SCAF8: variants seen among roughly 807,000 people sequenced by gnomAD.
SCAF8 encodes SR-related and CTD-associated factor 8.
A neutral mutation model predicts 140.5 loss-of-function variants in SCAF8; 23 were observed. The observed-to-expected ratio is 0.16, with a 90% CI of 0.12 to 0.23. The LOEUF is 0.23. Ranked by LOEUF, SCAF8 falls within the 10% of genes least tolerant of loss-of-function variation. The probability of loss-of-function intolerance (pLI) is 1.00; values close to 1 mark genes in which losing one functional copy is unlikely to be tolerated. For synonymous variants in SCAF8, 575 were observed against 528.9 expected (o/e 1.09, Z -1.20); for missense variants, 1,397 against 1,555.7 (o/e 0.90, Z 1.72).
chr6:154,755,702 A>G (rs1372663647), intron 1 of SCAF8, among the ~76,000 whole-genome samples: 1 of 152,230 alleles, frequency 6.6e-6, no homozygotes, highest in Non-Finnish European at 1.5e-5. Flanking sequence ...AAATAGGAAT[A>G]TGCTTATTAT....
intron 18 of SCAF8, among the ~76,000 whole-genome samples, chr6:154,830,406 C>G (rs1401400737): frequency 6.6e-6 from 1 of 151,798 alleles, no homozygotes; most frequent in African/African-American, 2.4e-5. Flanking sequence ...ATATTTATAC[C>G]CATTCTTTAA....
At chr6:154,739,113 GTAAC>G (rs879334751) in intron 1 of SCAF8, among the ~76,000 whole-genome samples, 2 of 152,096 alleles carry the variant, frequency 1.3e-5, no homozygotes, top group Non-Finnish European at 2.9e-5. Flanking sequence ...AGCCTCCTGA[GTAAC>G]TAGGAATACA....
intron 3 of SCAF8, 121 bp from the exon 4 acceptor site, chr6:154,787,740 A>T: frequency 1.4e-6 from 1 of 737,922 alleles, no homozygotes; most frequent in Non-Finnish European, 2.2e-6. Context: ...CAATGTATGA[A>T]TATTCATTAC....
chr6:154,813,765 A>G (rs1455755231), intron 12 of SCAF8, among the ~76,000 whole-genome samples: 3 of 152,332 alleles, frequency 2.0e-5, no homozygotes, highest in East Asian at 3.9e-4. Flanking sequence ...ACACGGGTAC[A>G]TAAGAGGGAA....
intron 1 of SCAF8, among the ~76,000 whole-genome samples, chr6:154,748,287 TA>T: frequency 6.6e-6 from 1 of 152,182 alleles, no homozygotes; most frequent in East Asian, 1.9e-4. Flanking sequence ...TTCACATACA[TA>T]AAAAGGCTTT....
rs756749182 is a variant in SCAF8 at position 154,818,460 on chromosome 6, A to T, written c.1522-19A>T. 1 of 1,470,756 alleles carries T rather than the reference A, an allele frequency of 6.8e-7. No homozygotes were observed. The highest frequency in any genetic ancestry group is 1.4e-5 in the African/African-American group (1 of 70,400). 91.1% of individuals were successfully genotyped at this position (1,470,756 alleles called of 1,614,324 possible). On this transcript the variant is annotated intron_variant, in intron 13 of 19. Coordinates refer to ENST00000367178, the MANE Select transcript of SCAF8 (RefSeq NM_014892.5). ...GTTTCTGTTCTTATACCTTTTCTTA[A>T]AACAATTTTTTTTATTAGATGATTC...
At chr6:154,823,416 G>C (rs1175851720) in intron 16 of SCAF8, among the ~76,000 whole-genome samples, 1 of 152,212 alleles carries the variant, frequency 6.6e-6, no homozygotes, top group Non-Finnish European at 1.5e-5. Flanking sequence ...TGGTGGCTCA[G>C]AATAGACTTC....
chr6:154,827,350 G>A, intron 18 of SCAF8, 110 bp downstream of exon 18: 1 of 730,856 alleles, frequency 1.4e-6, no homozygotes, highest in South Asian at 2.0e-5. Context: ...AAAGCTTTAA[G>A]ACAAATGCAT....
intron 3 of SCAF8, among the ~76,000 whole-genome samples, chr6:154,781,416 A>AT (rs1777081537): frequency 6.6e-6 from 1 of 152,244 alleles, no homozygotes; most frequent in African/African-American, 2.4e-5. Context: ...CATACTGCCC[A>AT]AAGTAATTTA....
intron 3 of SCAF8, among the ~76,000 whole-genome samples, chr6:154,783,681 T>C (rs927116546): frequency 1.2e-4 from 19 of 152,196 alleles, no homozygotes; most frequent in Non-Finnish European, 2.8e-4. Context: ...GTGGTTGATA[T>C]TTTGCAGTGG....
chr6:154,741,646 ATCCGCCCGCC>A (rs1378687495), intron 1 of SCAF8, among the ~76,000 whole-genome samples: 1 of 151,990 alleles, frequency 6.6e-6, no homozygotes, highest in Non-Finnish European at 1.5e-5. Context: ...ACCTCAAGTG[ATCCGCCCGCC>A]TCGGCCTCCC....
At position 154,733,862 on chromosome 6, in the gene SCAF8, C is replaced by G; in HGVS notation, c.-39C>G. On this transcript the variant is annotated 5_prime_UTR_variant, in exon 1 of 20. Coordinates refer to ENST00000367178, the MANE Select transcript of SCAF8 (RefSeq NM_014892.5). ...CCCCACCCAGTGCAGTGGCCGCCGC[C>G]TCTTCCGCCGCCGGGCTCGGGGCCT... 1 of 1,542,490 alleles carries G rather than the reference C, an allele frequency of 6.5e-7. No homozygotes were observed. Among genetic ancestry groups the G allele is most frequent in the Non-Finnish European group, 8.7e-7 (1 of 1,150,772 alleles).
At chr6:154,740,431 G>A (rs904331235) in intron 1 of SCAF8, among the ~76,000 whole-genome samples, 1 of 152,030 alleles carries the variant, frequency 6.6e-6, no homozygotes, top group Non-Finnish European at 1.5e-5. Context: ...CTGTTAAACT[G>A]TCTTAAAATA....
Position 154,833,419 on chromosome 6 carries a change from A to G in SCAF8, c.*24A>G. On this transcript the variant is annotated 3_prime_UTR_variant, in exon 20 of 20. Coordinates refer to ENST00000367178, the MANE Select transcript of SCAF8 (RefSeq NM_014892.5). ...AATCATCACTCAGTAGGTAAAAGATACCTTTTGTAAAGTTGTCATCTCTCT... is the reference window on the plus strand; with the variant it reads ...AATCATCACTCAGTAGGTAAAAGATGCCTTTTGTAAAGTTGTCATCTCTCT... The G allele has an allele frequency of 6.3e-7, 1 of 1,592,996 alleles. No homozygotes were observed. The highest frequency in any genetic ancestry group is 8.5e-7 in the Non-Finnish European group (1 of 1,171,468).
At chr6:154,784,807 T>C (rs1286391354) in intron 3 of SCAF8, among the ~76,000 whole-genome samples, 1 of 152,252 alleles carries the variant, frequency 6.6e-6, no homozygotes, top group African/African-American at 2.4e-5. Flanking sequence ...AGGACAACTG[T>C]ATTTCTTTTT....
intron 8 of SCAF8, 79 bp from the exon 9 acceptor site, chr6:154,805,290 G>A: frequency 3.8e-6 from 3 of 791,186 alleles, no homozygotes; most frequent in Non-Finnish European, 6.2e-6. Context: ...TGACTTTTTT[G>A]TTTTCTTTGA....
intron 17 of SCAF8, among the ~76,000 whole-genome samples, chr6:154,824,595 C>G (rs577551137): frequency 6.6e-6 from 1 of 152,192 alleles, no homozygotes; most frequent in East Asian, 1.9e-4. Context: ...TCTCAGGATG[C>G]AGATTGGTGG....
At chr6:154,734,443 A>G (rs910221074) in intron 1 of SCAF8, among the ~76,000 whole-genome samples, 2 of 152,152 alleles carry the variant, frequency 1.3e-5, no homozygotes, top group Non-Finnish European at 2.9e-5. Flanking sequence ...GGCATTGTTG[A>G]CTAGGTAATT....
At chr6:154,764,177 G>A (rs571825631) in intron 1 of SCAF8, among the ~76,000 whole-genome samples, 2 of 152,134 alleles carry the variant, frequency 1.3e-5, no homozygotes, top group African/African-American at 4.8e-5. Flanking sequence ...AATTTTACAA[G>A]TTTAAGGAAC....
Sources: gnomAD v4.1 joint callset for allele counts (sites outside exome capture counted in the v4.1 genomes callset) on GRCh38, gnomAD v4.1.1 for gene constraint, MANE v1.5 for transcripts, NCBI Gene and HGNC (gene_info 2026-07-23, HGNC 2026-07-21) for gene names.